Variants in DOCK9 observed in about 807,000 individuals in gnomAD.
The protein encoded by DOCK9 is dedicator of cytokinesis protein 9.
Under a neutral mutation model 263.3 loss-of-function variants are expected in DOCK9, and 89 were observed. That is an observed-to-expected ratio of 0.34 (90% confidence interval 0.28 to 0.40). The LOEUF is 0.40. DOCK9 is among the 10% of genes least tolerant of loss of function. The probability of loss-of-function intolerance (pLI) is 1.00; values close to 1 mark genes in which losing one functional copy is unlikely to be tolerated. For synonymous variants in DOCK9, 976 were observed against 973.1 expected (o/e 1.00, Z -0.06); for missense variants, 2,140 against 2,603.4 (o/e 0.82, Z 3.87).
At chr13:98,803,938 ATT>A (rs34751334) in intron 49 of DOCK9, among the ~76,000 whole-genome samples, 44,705 of 142,228 alleles carry the variant, frequency 0.31, 6,653 homozygotes, top group Admixed American at 0.35. Flanking sequence ...AAAAACCTGT[ATT>A]TTTTTTTTTT....
intron 39 of DOCK9, among the ~76,000 whole-genome samples, chr13:98,836,689 A>C (rs2093012688): frequency 6.6e-6 from 1 of 152,118 alleles, no homozygotes; most frequent in African/African-American, 2.4e-5. Context: ...GCGGCTAAGG[A>C]GAGTAAAGGT....
intron 1 of DOCK9, among the ~76,000 whole-genome samples, chr13:99,077,643 A>G (rs1004051127): frequency 3.9e-5 from 6 of 152,206 alleles, no homozygotes; most frequent in Non-Finnish European, 8.8e-5. Flanking sequence ...AGGAAAGGGG[A>G]TGCCAGGTTG....
At chr13:98,947,410 T>TTA (rs1555420481) in intron 2 of DOCK9, among the ~76,000 whole-genome samples, 2 of 148,120 alleles carry the variant, frequency 1.4e-5, no homozygotes, top group African/African-American at 5.0e-5. Flanking sequence ...TGATGATAAT[T>TTA]AAAAAAAAAA....
chr13:98,910,278 G>A (rs2049794834), intron 9 of DOCK9, among the ~76,000 whole-genome samples: 1 of 152,020 alleles, frequency 6.6e-6, no homozygotes, highest in Non-Finnish European at 1.5e-5. Context: ...CTTGAACTAC[G>A]GTTTGTGTAT....
chr13:98,898,226 T>A lies in DOCK9; in HGVS notation c.1539A>T (p.Ala513=), dbSNP rs1192057537. Residue 513 remains alanine, a synonymous_variant, in exon 14 of 53, where the codon GCA becomes GCT. Coordinates refer to ENST00000682017, the MANE Select transcript of DOCK9 (RefSeq NM_001366683.2). ...AQKVLKNAKQ[A]CQRLGQYRMP... ...TTCTATACTGTCCTAGTCTTTGGCA[T>A]GCCTGCTTGGCATTCTTCAGCACCT... is the stretch of plus-strand genomic sequence containing the variant. 6 of 1,612,310 alleles carry A rather than the reference T, an allele frequency of 3.7e-6. No homozygotes were observed. Among genetic ancestry groups the A allele is most frequent in the Non-Finnish European group, 5.1e-6 (6 of 1,179,202 alleles).
At chr13:99,024,621 T>G (rs1238395459) in intron 1 of DOCK9, among the ~76,000 whole-genome samples, 1 of 152,230 alleles carries the variant, frequency 6.6e-6, no homozygotes, top group African/African-American at 2.4e-5. Context: ...ACTGTCATTG[T>G]GGCAGTATAG....
At chr13:98,869,039 GA>G (rs1391256701) in intron 27 of DOCK9, among the ~76,000 whole-genome samples, 1 of 152,210 alleles carries the variant, frequency 6.6e-6, no homozygotes, top group Non-Finnish European at 1.5e-5. Flanking sequence ...CATCTTTGAT[GA>G]TTCTGATGCC....
At position 98,829,792 on chromosome 13, in the gene DOCK9, C is replaced by A; in HGVS notation, c.4636-36G>T. The A allele has an allele frequency of 6.5e-7, 1 of 1,527,184 alleles. No homozygotes were observed. Among genetic ancestry groups the A allele is most frequent in the Non-Finnish European group, 8.9e-7 (1 of 1,119,790 alleles). The allele number at this position is 1,527,184 out of a possible 1,614,324, so 94.6% of individuals were successfully genotyped here. A position where few individuals can be genotyped will look rare whatever the true frequency, so the allele number is the denominator to read the frequency against. ...CACAAACATGAGCAAATCAATTTAC[C>A]TTCAAATGACTGCCCAGGCTGGGCT... is the stretch of plus-strand genomic sequence containing the variant. On this transcript the variant is annotated intron_variant, in intron 41 of 52. Transcript: ENST00000682017. The surrounding 1 kb of genome is among the most constrained non-coding windows in gnomAD (Gnocchi z 4.1).
At chr13:98,865,511 T>C (rs1427957256) in intron 30 of DOCK9, among the ~76,000 whole-genome samples, 1 of 152,206 alleles carries the variant, frequency 6.6e-6, no homozygotes, top group African/African-American at 2.4e-5. Flanking sequence ...TTTATTCCTG[T>C]CAGTGTAGTA....
intron 1 of DOCK9, among the ~76,000 whole-genome samples, chr13:99,042,290 AG>A (rs1888534751): frequency 6.6e-6 from 1 of 152,240 alleles, no homozygotes; most frequent in Non-Finnish European, 1.5e-5. Flanking sequence ...GTGGCAGGGC[AG>A]CATGTTGTGA....
intron 45 of DOCK9, among the ~76,000 whole-genome samples, chr13:98,814,045 A>T (rs1184826439): frequency 1.3e-5 from 2 of 152,244 alleles, no homozygotes; most frequent in African/African-American, 4.8e-5. Context: ...TTTCATTACC[A>T]GCCCTAATGT....
chr13:98,819,677 G>C lies in DOCK9; in HGVS notation c.5130+4721C>G, dbSNP rs577875184. The stretch of plus-strand genomic sequence containing the variant: ...TTGTGGAGAATCGCTGTAACACTGA[G>C]GATGTGCCATGTGACTTTCACGGCT... On this transcript the variant is annotated intron_variant, in intron 45 of 52. Transcript: ENST00000682017. Among the ~76,000 whole-genome samples the C allele has an allele frequency of 2.1e-4, 32 of 152,368 alleles. 1 individual carries two copies. The Middle Eastern group carries it at 0.017, about 81-fold the overall frequency.
At chr13:99,039,332 C>A (rs1358869786) in intron 1 of DOCK9, among the ~76,000 whole-genome samples, 1 of 151,942 alleles carries the variant, frequency 6.6e-6, no homozygotes, top group East Asian at 1.9e-4. Flanking sequence ...AATGGCTCTA[C>A]AATCTAACTT....
chr13:98,970,271 G>C (rs2059605838), intron 1 of DOCK9, among the ~76,000 whole-genome samples: 1 of 152,168 alleles, frequency 6.6e-6, no homozygotes. Context: ...GTACCGGGAT[G>C]ACAGGCCTGA....
chr13:98,922,215 T>C (rs867918480), intron 5 of DOCK9, 69 bp from the exon 6 acceptor site: 2 of 1,207,460 alleles, frequency 1.7e-6, no homozygotes, highest in South Asian at 1.3e-5. Flanking sequence ...GTGAGTTTGG[T>C]CAATGGGAAG....
rs369397122 is a variant in DOCK9 at position 98,868,261 on chromosome 13, G to T, written c.3060C>A (p.Asn1020Lys). ...KFRDNPEASKNANHSLAVFIK... is the reference protein window; with the variant it reads ...KFRDNPEASKKANHSLAVFIK... ...TGAAGACAGCAAGGCTATGATTCGC[G>T]TTCTTAGATGCCTCTGGATTATCTC... Residue 1020 changes from asparagine (N) to lysine (K), a missense_variant, in exon 28 of 53, where the codon AAC becomes AAA. By Grantham distance (94) the Asn-to-Lys change is moderately conservative. Coordinates refer to ENST00000682017, the MANE Select transcript of DOCK9 (RefSeq NM_001366683.2). 1.9e-6 allele frequency: 3 copies of T among 1,613,904 alleles called. No individual in the cohort carries two copies. Among genetic ancestry groups the T allele is most frequent in the East Asian group, 2.2e-5 (1 of 44,882 alleles).
chr13:98,925,647 T>G (rs1241187427), intron 4 of DOCK9, among the ~76,000 whole-genome samples, 190 bp downstream of exon 4: 1 of 152,204 alleles, frequency 6.6e-6, no homozygotes, highest in Non-Finnish European at 1.5e-5. Flanking sequence ...TATTACTACC[T>G]ATCAATACCA....
chr13:99,041,353 A>G (rs1888440959), intron 1 of DOCK9, among the ~76,000 whole-genome samples: 1 of 152,086 alleles, frequency 6.6e-6, no homozygotes, highest in Non-Finnish European at 1.5e-5. Context: ...ATGTGATGGC[A>G]TGTGCCTGTG....
intron 3 of DOCK9, among the ~76,000 whole-genome samples, chr13:98,928,004 C>CAAAAAAAAAAAA (rs74265290): frequency 1.6e-5 from 1 of 62,238 alleles, no homozygotes; most frequent in Non-Finnish European, 4.1e-5. Context: ...ATCGCACATA[C>CAAAAAAAAAAAA]AAAAAAAAAA....
Sources: allele counts gnomAD v4.1 joint callset (sites outside exome capture counted in the v4.1 genomes callset), GRCh38; gene constraint gnomAD v4.1.1; non-coding constraint Gnocchi (gnomAD v3.1); transcripts MANE v1.5; gene names NCBI Gene and HGNC (gene_info 2026-07-23, HGNC 2026-07-21).